PARP1: variants seen among roughly 807,000 people sequenced by gnomAD.
PARP1 encodes the protein poly(ADP-ribose) polymerase 1.
A neutral mutation model predicts 118.7 loss-of-function variants in PARP1; 44 were observed. That is an observed-to-expected ratio of 0.37 (90% CI 0.29 to 0.48). PARP1 has a LOEUF of 0.48. Ranked by LOEUF, PARP1 falls within the 20% of genes least tolerant of loss-of-function variation. The pLI is 0.99. For synonymous variants in PARP1, 492 were observed against 483.2 expected, an observed-to-expected ratio of 1.02 and a Z score of -0.24; for missense variants, 1,100 against 1,272.4, an observed-to-expected ratio of 0.86 and a Z score of 2.06.
intron 12 of PARP1, among the ~76,000 whole-genome samples, chr1:226,377,860 G>A (rs1247516032): frequency 1.3e-5 from 2 of 152,064 alleles, no homozygotes; most frequent in Non-Finnish European, 2.9e-5. Flanking sequence ...CTTTGGATGA[G>A]CTAATTTTTG....
chr1:226,392,849 C>T (rs1664846200), intron 2 of PARP1: 1 of 1,353,776 alleles, frequency 7.4e-7, no homozygotes, highest in African/African-American at 1.5e-5. Flanking sequence ...CACTGGCTAG[C>T]CATTTGGGAC....
In PARP1 at chr1:226,377,384, A is replaced by T. The variant is rs1169553807; in HGVS notation, c.1746-81T>A. 2.8e-6 allele frequency: 3 copies of T among 1,065,496 alleles called. No homozygotes were observed. The Admixed American group carries it at 5.1e-5, about 18-fold the overall frequency. 66.0% of individuals were successfully genotyped at this position (1,065,496 alleles called of 1,614,324 possible). On this transcript the variant is annotated intron_variant, in intron 12 of 22. Transcript: ENST00000366794. ...AGGAGCTCCCCTTTCCTGCCATTACATTCACGTGGGGAAGAATTTTACACA... is the reference window on the plus strand; with the variant it reads ...AGGAGCTCCCCTTTCCTGCCATTACTTTCACGTGGGGAAGAATTTTACACA...
intron 10 of PARP1, 119 bp downstream of exon 10, chr1:226,379,803 T>C: frequency 6.6e-7 from 1 of 1,525,710 alleles, no homozygotes; most frequent in Admixed American, 1.7e-5. Flanking sequence ...TTCTGTGTCC[T>C]GCTCTGCAGC....
intron 2 of PARP1, among the ~76,000 whole-genome samples, chr1:226,400,621 A>G (rs1032108007): frequency 6.6e-6 from 1 of 152,200 alleles, no homozygotes; most frequent in Non-Finnish European, 1.5e-5. Flanking sequence ...CCACCACAGT[A>G]ACAAACACAG....
intron 3 of PARP1, 83 bp downstream of exon 3, chr1:226,392,116 T>C: frequency 2.1e-6 from 2 of 952,466 alleles, no homozygotes; most frequent in Non-Finnish European, 3.5e-6. Context: ...AAAGCCCCCA[T>C]TTCTTCTTTT....
intron 3 of PARP1, among the ~76,000 whole-genome samples, chr1:226,391,823 A>G (rs948296838): frequency 6.6e-6 from 1 of 152,196 alleles, no homozygotes; most frequent in Admixed American, 6.5e-5. Flanking sequence ...AAGCCTGGTT[A>G]ATGAAGTTCC....
At chr1:226,382,088 C>A (rs969266240) in intron 8 of PARP1, among the ~76,000 whole-genome samples, 1 of 152,186 alleles carries the variant, frequency 6.6e-6, no homozygotes, top group African/African-American at 2.4e-5. Flanking sequence ...GCACACACTG[C>A]AGTGACCACT....
chr1:226,396,877 G>A (rs1664934082), intron 2 of PARP1, among the ~76,000 whole-genome samples: 4 of 151,926 alleles, frequency 2.6e-5, no homozygotes, highest in Admixed American at 2.6e-4. Context: ...CTCCAGCCTG[G>A]GTGACAGAGA....
intron 2 of PARP1, among the ~76,000 whole-genome samples, chr1:226,395,306 G>C (rs2048424): frequency 0.42 from 64,137 of 151,916 alleles, 14,587 homozygotes; most frequent in East Asian, 0.81. Flanking sequence ...AGCAAGGTCT[G>C]TAACATATAT....
intron 8 of PARP1, among the ~76,000 whole-genome samples, chr1:226,382,353 G>A (rs926484699): frequency 6.6e-6 from 1 of 152,132 alleles, no homozygotes; most frequent in Non-Finnish European, 1.5e-5. Flanking sequence ...ATCACACCAG[G>A]GCCCGGATGA....
At chr1:226,402,438 C>T in intron 1 of PARP1, 59 bp from the exon 2 acceptor site, 2 of 1,539,374 alleles carry the variant, frequency 1.3e-6, no homozygotes, top group Middle Eastern at 1.7e-4. Context: ...CTTAGACCCA[C>T]TAGACCTTGA....
At chr1:226,364,269 C>T (rs1265607593) in intron 19 of PARP1, 199 bp from the exon 20 acceptor site, 1 of 569,856 alleles carries the variant, frequency 1.8e-6, no homozygotes, top group African/African-American at 1.9e-5. Flanking sequence ...TGCCAGGTGC[C>T]AAGGAGCTGC....
chr1:226,363,356 G>A (rs1451021562), intron 20 of PARP1, among the ~76,000 whole-genome samples, 196 bp from the exon 21 acceptor site: 3 of 152,178 alleles, frequency 2.0e-5, no homozygotes, highest in African/African-American at 7.2e-5. Context: ...GCTGAACATA[G>A]TTTGTGCCCA....
intron 2 of PARP1, among the ~76,000 whole-genome samples, chr1:226,397,961 G>GAAAAAAAAAAAAAA (rs1333776940): frequency 8.2e-6 from 1 of 122,004 alleles, no homozygotes. Flanking sequence ...ATCCACATGC[G>GAAAAAAAAAAAAAA]AAAAAAAAAA....
chr1:226,366,313 G>C, intron 17 of PARP1: 1 of 434,946 alleles, frequency 2.3e-6, no homozygotes, highest in Non-Finnish European at 4.3e-6. Flanking sequence ...CTATGTTTTG[G>C]GATATCAGGG....
intron 15 of PARP1, among the ~76,000 whole-genome samples, chr1:226,370,064 G>A (rs1664348036): frequency 6.6e-6 from 1 of 151,304 alleles, no homozygotes; most frequent in Non-Finnish European, 1.5e-5. Context: ...GGTTCTGCAG[G>A]GCACTCTAGG....
At chr1:226,380,252 C>T in intron 9 of PARP1, 88 bp from the exon 10 acceptor site, 1 of 1,300,484 alleles carries the variant, frequency 7.7e-7, no homozygotes. Context: ...TTAGTGTGTA[C>T]TTCCAAACCC....
chr1:226,372,395 G>A (rs572462438), intron 14 of PARP1, among the ~76,000 whole-genome samples: 7 of 152,220 alleles, frequency 4.6e-5, no homozygotes, highest in African/African-American at 1.7e-4. Flanking sequence ...TTTCAGGCTG[G>A]GGGCCATGGC....
rs1334838918 is a variant in PARP1, at chr1:226,407,886, T to C, written c.44A>G (p.Lys15Arg). ...TTTCTTGCAAGAGGCGCGCCCGCTC[T>C]TGGCGTACTCGACTCGATAGAGCTT... Reference protein sequence around the residue: ...SDKLYRVEYAKSGRASCKKCS... With the variant: ...SDKLYRVEYARSGRASCKKCS... Residue 15 changes from lysine (K) to arginine (R), a missense_variant, in exon 1 of 23, where the codon AAG (lysine) becomes AGG (arginine). Lys to Arg is a conservative substitution (Grantham distance 26). Coordinates refer to ENST00000366794, the MANE Select transcript of PARP1 (RefSeq NM_001618.4). 1.2e-6 allele frequency: 2 copies of C among 1,612,016 alleles called. No individual in the cohort carries two copies. Among genetic ancestry groups the C allele is most frequent in the South Asian group, 2.2e-5 (2 of 90,948 alleles).
Sources: gnomAD v4.1 joint callset for allele counts (sites outside exome capture counted in the v4.1 genomes callset) on GRCh38, gnomAD v4.1.1 for gene constraint, MANE v1.5 for transcripts, NCBI Gene and HGNC (gene_info 2026-07-23, HGNC 2026-07-21) for gene names.